Variants in RXFP1 observed in about 807,000 individuals in gnomAD.
The protein encoded by RXFP1 is relaxin receptor 1.
In RXFP1, 73 loss-of-function variants were observed where a neutral mutation model predicts 89.8. That is an observed-to-expected ratio of 0.81 (90% confidence interval 0.67 to 0.99). The LOEUF (loss-of-function observed/expected upper bound fraction) is 0.99. RXFP1 is among the 50% of genes least tolerant of loss of function. RXFP1 has a pLI of 0.00. For missense variants in RXFP1, 793 were observed against 895.5 expected (o/e 0.89, Z 1.46); for synonymous variants, 277 against 305.5 (o/e 0.91, Z 0.97).
intron 8 of RXFP1, among the ~76,000 whole-genome samples, chr4:158,615,150 G>T (rs1468344779): frequency 6.6e-6 from 1 of 152,094 alleles, no homozygotes; most frequent in Non-Finnish European, 1.5e-5. Flanking sequence ...CAATATTGTT[G>T]TGTTTCAGGG....
intron 2 of RXFP1, among the ~76,000 whole-genome samples, chr4:158,590,423 G>T (rs1473195823): frequency 6.6e-6 from 1 of 152,202 alleles, no homozygotes. Flanking sequence ...GCCTCCCAAA[G>T]TGTGGGGATT....
At chr4:158,556,896 CATAG>C in intron 1 of RXFP1, among the ~76,000 whole-genome samples, 1 of 152,176 alleles carries the variant, frequency 6.6e-6, no homozygotes, top group East Asian at 1.9e-4. Flanking sequence ...ACCATAATAT[CATAG>C]ATACAGAGTA....
At position 158,581,726 on chromosome 4, in the gene RXFP1, T is replaced by G. The variant is rs181788706; in HGVS notation, c.187+8891T>G. ...TTCCCTTTAAAGATGGAGACATTGA[T>G]GCACTGCATCAATTTCATCCAAGTC... On this transcript the variant is annotated intron_variant, in intron 2 of 17. Transcript: ENST00000307765. Among the ~76,000 whole-genome samples the G allele has an allele frequency of 9.8e-4, 150 of 152,362 alleles. 2 individuals carry two copies. Among genetic ancestry groups the G allele is most frequent in the Admixed American group, 2.2e-3 (33 of 15,300 alleles).
chr4:158,554,985 T>G (rs1750978966), intron 1 of RXFP1, among the ~76,000 whole-genome samples: 1 of 152,178 alleles, frequency 6.6e-6, no homozygotes, highest in Non-Finnish European at 1.5e-5. Context: ...GTAAATCTGA[T>G]GCTTGGCAGA....
intron 1 of RXFP1, among the ~76,000 whole-genome samples, chr4:158,553,855 G>A (rs1750691112): frequency 6.6e-6 from 1 of 152,148 alleles, no homozygotes; most frequent in Non-Finnish European, 1.5e-5. Flanking sequence ...TACTCAGCAT[G>A]CTAAAGTGCC....
At chr4:158,614,308 G>T (rs2150138697) in intron 8 of RXFP1, among the ~76,000 whole-genome samples, 1 of 152,278 alleles carries the variant, frequency 6.6e-6, no homozygotes, top group Non-Finnish European at 1.5e-5. Flanking sequence ...AAGCTTTGAA[G>T]CCAGGTATTG....
intron 2 of RXFP1, among the ~76,000 whole-genome samples, chr4:158,583,102 C>T (rs986923949): frequency 1.3e-5 from 2 of 152,158 alleles, no homozygotes; most frequent in Admixed American, 6.5e-5. Context: ...TTTGTTAATG[C>T]CCCAAAGTAT....
intron 1 of RXFP1, among the ~76,000 whole-genome samples, chr4:158,557,749 G>T (rs910484565): frequency 1.3e-5 from 2 of 152,174 alleles, no homozygotes; most frequent in Non-Finnish European, 2.9e-5. Flanking sequence ...CACTAAAAGC[G>T]AGATGCATTT....
chr4:158,621,819 A>G (rs138451908), intron 9 of RXFP1, among the ~76,000 whole-genome samples: 2,277 of 152,378 alleles, frequency 0.015, 25 homozygotes, highest in Non-Finnish European at 0.023. Context: ...AAAATGTTCA[A>G]CATTACTAAT....
intron 9 of RXFP1, among the ~76,000 whole-genome samples, chr4:158,618,483 A>G (rs1765008405): frequency 2.0e-5 from 3 of 152,072 alleles, no homozygotes; most frequent in Admixed American, 2.0e-4. Flanking sequence ...TAAAGTTTTC[A>G]TATGTAAATT....
chr4:158,591,312 TG>T (rs964423183), intron 2 of RXFP1, among the ~76,000 whole-genome samples: 1 of 152,230 alleles, frequency 6.6e-6, no homozygotes, highest in African/African-American at 2.4e-5. Flanking sequence ...CTCCTACTCC[TG>T]TTTCTCTGCC....
At chr4:158,625,813 G>C (rs546016797) in intron 9 of RXFP1, among the ~76,000 whole-genome samples, 7 of 152,144 alleles carry the variant, frequency 4.6e-5, no homozygotes, top group African/African-American at 1.7e-4. Flanking sequence ...ACAGCTTTAT[G>C]TTACATGGTG....
chr4:158,545,809 A>G (rs542349362), intron 1 of RXFP1, among the ~76,000 whole-genome samples: 1 of 152,192 alleles, frequency 6.6e-6, no homozygotes, highest in South Asian at 2.1e-4. Context: ...ATTGATCTAT[A>G]TCTCTGTTTT....
chr4:158,648,349 C>A (rs1196231838), intron 16 of RXFP1, 150 bp from the exon 17 acceptor site: 1 of 497,996 alleles, frequency 2.0e-6, no homozygotes, highest in Non-Finnish European at 3.3e-6. Flanking sequence ...TTTAGTAATT[C>A]TTTGTGAAGA....
intron 1 of RXFP1, among the ~76,000 whole-genome samples, chr4:158,571,291 C>T (rs995945512): frequency 2.0e-5 from 3 of 152,206 alleles, no homozygotes; most frequent in African/African-American, 7.2e-5. Context: ...GATCACATGG[C>T]ACCTGCTTTC....
At chr4:158,650,128 A>T (rs1268707791) in intron 17 of RXFP1, among the ~76,000 whole-genome samples, 2 of 152,222 alleles carry the variant, frequency 1.3e-5, no homozygotes, top group East Asian at 3.8e-4. Flanking sequence ...TAAGTGAAAT[A>T]AGTTAGACAC....
At chr4:158,613,957 G>A (rs1172784487) in intron 8 of RXFP1, among the ~76,000 whole-genome samples, 1 of 152,216 alleles carries the variant, frequency 6.6e-6, no homozygotes, top group Non-Finnish European at 1.5e-5. Context: ...TAGAATGGAT[G>A]TCGTGTTAGC....
intron 9 of RXFP1, among the ~76,000 whole-genome samples, chr4:158,622,647 C>T (rs764571429): frequency 2.6e-5 from 4 of 152,024 alleles, no homozygotes; most frequent in East Asian, 3.9e-4. Context: ...CTCATTTATA[C>T]GTGGAATTTC....
At chr4:158,548,730 G>T (rs1171077168) in intron 1 of RXFP1, among the ~76,000 whole-genome samples, 9 of 152,196 alleles carry the variant, frequency 5.9e-5, no homozygotes, top group African/African-American at 2.2e-4. Context: ...AGCTGGATAT[G>T]AAATTCTGGG....
Sources: gnomAD v4.1 joint callset for allele counts (sites outside exome capture counted in the v4.1 genomes callset) on GRCh38, gnomAD v4.1.1 for gene constraint, MANE v1.5 for transcripts, NCBI Gene and HGNC (gene_info 2026-07-23, HGNC 2026-07-21) for gene names.